PTPRK: variants seen among roughly 807,000 people sequenced by gnomAD.
PTPRK encodes protein tyrosine phosphatase receptor type K.
Under a neutral mutation model 178.0 loss-of-function variants are expected in PTPRK, and 75 were observed. That is an observed-to-expected ratio of 0.42 (90% confidence interval 0.35 to 0.51). The LOEUF (loss-of-function observed/expected upper bound fraction) is 0.51, where lower values mean the gene tolerates loss of function less well. Among genes scored for constraint, PTPRK ranks in the 20% least tolerant of loss-of-function variants. The probability of loss-of-function intolerance (pLI) is 0.02; values close to 1 mark genes in which losing one functional copy is unlikely to be tolerated. For missense variants in PTPRK, 1,441 were observed against 1,797.8 expected (o/e 0.80, Z 3.59); for synonymous variants, 637 against 620.6 (o/e 1.03, Z -0.39).
intron 7 of PTPRK, among the ~76,000 whole-genome samples, chr6:128,149,820 C>T (rs1444397567): frequency 1.3e-5 from 2 of 152,090 alleles, no homozygotes; most frequent in Admixed American, 1.3e-4. Flanking sequence ...ACTAAATCAG[C>T]ATTGGATTTA....
chr6:128,331,032 T>C (rs571642364), intron 2 of PTPRK, among the ~76,000 whole-genome samples: 59 of 152,314 alleles, frequency 3.9e-4, no homozygotes, highest in Admixed American at 7.9e-4. Flanking sequence ...TCTGTTAAAG[T>C]AGTTCCTTCC....
At chr6:128,419,572 GCAC>G (rs1843232914) in intron 1 of PTPRK, among the ~76,000 whole-genome samples, 1 of 149,944 alleles carries the variant, frequency 6.7e-6, no homozygotes, top group Non-Finnish European at 1.5e-5. Context: ...TTGCGCCACT[GCAC>G]CACTCCAGCC....
chr6:128,156,183 A>T (rs1052792942), intron 7 of PTPRK, among the ~76,000 whole-genome samples: 1 of 151,938 alleles, frequency 6.6e-6, no homozygotes. Flanking sequence ...ATATAAGCTA[A>T]TATTTTATAA....
rs138455224 is a variant in PTPRK at position 128,101,323 on chromosome 6, C to G, written c.1163-11331G>C. Among the ~76,000 whole-genome samples, 242 of 152,158 alleles carry G rather than the reference C, an allele frequency of 1.6e-3. 1 individual carries two copies. The highest frequency in any genetic ancestry group is 5.6e-3 in the African/African-American group (231 of 41,552). On this transcript the variant is annotated intron_variant, in intron 7 of 29. Coordinates refer to ENST00000368226, the MANE Select transcript of PTPRK (RefSeq NM_002844.4). ...CTGGATGCTAATATAATGTTTAAAA[C>G]AAGATTCATCATCATTTTCCACAAG...
intron 7 of PTPRK, among the ~76,000 whole-genome samples, chr6:128,170,919 G>A (rs1352035397): frequency 6.6e-6 from 1 of 150,702 alleles, no homozygotes; most frequent in African/African-American, 2.4e-5. Flanking sequence ...AAAAAAAACT[G>A]TTAACACTTA....
chr6:128,257,033 C>A (rs1817447359), intron 3 of PTPRK, among the ~76,000 whole-genome samples: 1 of 151,532 alleles, frequency 6.6e-6, no homozygotes, highest in African/African-American at 2.4e-5. Context: ...GAGTTCGAGA[C>A]CAGACTGACC....
rs758187815 is a variant in PTPRK, at chr6:128,240,127, G to A, written c.601C>T (p.Leu201=). The change falls in exon 5 of 30, where the codon CTA becomes TTA. Residue 201 remains leucine (L), a synonymous_variant. Transcript: ENST00000368226. ...PCDKSPHFLR[L]GDVEVNAGQN... ...CCTGCATTCACCTCTACATCCCCTA[G>A]ACGGAGGAAATGAGGAGATTTATCT... The A allele has an allele frequency of 3.1e-6, 5 of 1,613,354 alleles. No individual in the cohort carries two copies. In the Admixed American group the frequency reaches 8.3e-5, roughly 27 times the overall value.
chr6:128,158,986 T>C (rs1012174087), intron 7 of PTPRK, among the ~76,000 whole-genome samples: 5 of 151,976 alleles, frequency 3.3e-5, no homozygotes, highest in Admixed American at 6.6e-5. Context: ...ATCAAAATCA[T>C]TGTAGGGGTC....
intron 2 of PTPRK, among the ~76,000 whole-genome samples, chr6:128,335,645 C>A (rs868484791): frequency 6.6e-6 from 1 of 151,800 alleles, no homozygotes; most frequent in East Asian, 1.9e-4. Flanking sequence ...ATAAACCATA[C>A]AAATATAATA....
At chr6:128,346,457 T>C (rs1365605533) in intron 2 of PTPRK, among the ~76,000 whole-genome samples, 1 of 152,070 alleles carries the variant, frequency 6.6e-6, no homozygotes, top group Non-Finnish European at 1.5e-5. Context: ...TTCTATAGTA[T>C]GATAAAACTT....
chr6:128,356,033 C>T (rs1339653226), intron 2 of PTPRK, among the ~76,000 whole-genome samples: 1 of 152,128 alleles, frequency 6.6e-6, no homozygotes, highest in Non-Finnish European at 1.5e-5. Flanking sequence ...AGTCTATACA[C>T]AATATATTTA....
At chr6:128,274,444 A>G (rs770293134) in intron 3 of PTPRK, among the ~76,000 whole-genome samples, 8 of 152,122 alleles carry the variant, frequency 5.3e-5, no homozygotes, top group Non-Finnish European at 1.2e-4. Context: ...TAATTATTAA[A>G]AACATACTGT....
intron 4 of PTPRK, 78 bp from the exon 5 acceptor site, chr6:128,240,228 A>G (rs2128283366): frequency 2.8e-6 from 3 of 1,076,392 alleles, no homozygotes; most frequent in Non-Finnish European, 4.2e-6. Flanking sequence ...CCAGCTGAAT[A>G]TTATCATTAG....
chr6:128,400,463 A>T (rs2128371144), intron 1 of PTPRK, among the ~76,000 whole-genome samples: 1 of 152,300 alleles, frequency 6.6e-6, no homozygotes, highest in African/African-American at 2.4e-5. Flanking sequence ...TTTAGATGTC[A>T]GAAAAAGGAG....
At chr6:128,057,410 T>C (rs9482872) in intron 13 of PTPRK, among the ~76,000 whole-genome samples, 114,114 of 152,100 alleles carry the variant, frequency 0.75, 45,234 homozygotes, top group South Asian at 0.97. Context: ...TGTGCCTAAA[T>C]TGTGCAAATA....
At chr6:128,368,588 GC>G (rs1835846698) in intron 2 of PTPRK, among the ~76,000 whole-genome samples, 1 of 151,962 alleles carries the variant, frequency 6.6e-6, no homozygotes. Flanking sequence ...ACTCAAGATT[GC>G]TACTAACTGG....
chr6:128,497,900 G>A (rs1446309533), intron 1 of PTPRK, among the ~76,000 whole-genome samples: 2 of 151,790 alleles, frequency 1.3e-5, no homozygotes, highest in Non-Finnish European at 2.9e-5. Flanking sequence ...CATTTTAAAA[G>A]AATATGTTGT....
intron 1 of PTPRK, among the ~76,000 whole-genome samples, chr6:128,501,941 A>G (rs913288338): frequency 6.6e-6 from 1 of 152,222 alleles, no homozygotes; most frequent in African/African-American, 2.4e-5. Flanking sequence ...AATCCATCAA[A>G]GTGGCAATGT....
At chr6:128,448,160 C>T (rs558471085) in intron 1 of PTPRK, among the ~76,000 whole-genome samples, 11 of 152,272 alleles carry the variant, frequency 7.2e-5, no homozygotes, top group East Asian at 5.8e-4. Context: ...CAGTAGATGA[C>T]GGCCCACTAT....
Sources: gnomAD v4.1 joint callset for allele counts (sites outside exome capture counted in the v4.1 genomes callset) on GRCh38, gnomAD v4.1.1 for gene constraint, MANE v1.5 for transcripts, NCBI Gene and HGNC (gene_info 2026-07-23, HGNC 2026-07-21) for gene names.